PDE7B: variants seen among roughly 807,000 people sequenced by gnomAD.
PDE7B encodes the protein phosphodiesterase 7B, also known as 3',5'-cyclic-AMP phosphodiesterase 7B.
Under a neutral mutation model 56.2 loss-of-function variants are expected in PDE7B, and 29 were observed. The ratio of observed to expected loss-of-function variants is 0.52; its 90% CI spans 0.38 to 0.70. PDE7B has a LOEUF of 0.70. Among genes scored for constraint, PDE7B ranks in the 30% least tolerant of loss-of-function variants. The pLI, the probability that PDE7B is intolerant of heterozygous loss-of-function variation, is 0.00. For missense variants in PDE7B, 490 were observed against 565.0 expected, an observed-to-expected ratio of 0.87 and a Z score of 1.35; for synonymous variants, 197 against 196.9, an observed-to-expected ratio of 1.00 and a Z score of 0.00.
intron 9 of PDE7B, among the ~76,000 whole-genome samples, chr6:136,177,782 G>A (rs934158306): frequency 6.6e-6 from 1 of 152,084 alleles, no homozygotes; most frequent in East Asian, 1.9e-4. Context: ...AGACCCCAGG[G>A]AGACTTCTGC....
chr6:135,896,266 G>C (rs1775900489), intron 1 of PDE7B, among the ~76,000 whole-genome samples: 1 of 152,084 alleles, frequency 6.6e-6, no homozygotes, highest in Non-Finnish European at 1.5e-5. Flanking sequence ...ACATGTATGA[G>C]CCTTGGTTCC....
intron 1 of PDE7B, among the ~76,000 whole-genome samples, chr6:135,852,974 ATGT>A (rs1189641868): frequency 1.3e-5 from 2 of 152,192 alleles, no homozygotes; most frequent in Non-Finnish European, 2.9e-5. Flanking sequence ...TACAGGGCTA[ATGT>A]TGTTTTCAGT....
At chr6:136,032,715 A>G (rs757855080) in intron 2 of PDE7B, among the ~76,000 whole-genome samples, 2 of 152,238 alleles carry the variant, frequency 1.3e-5, no homozygotes, top group Non-Finnish European at 2.9e-5. Context: ...AAGGATAGCC[A>G]AAATTTGTGT....
intron 2 of PDE7B, among the ~76,000 whole-genome samples, chr6:136,015,738 T>C (rs1369924627): frequency 6.6e-6 from 1 of 152,098 alleles, no homozygotes; most frequent in East Asian, 1.9e-4. Context: ...GGTGCAATAC[T>C]TGAAAAAAAA....
Position 136,148,459 on chromosome 6 carries a change from GGGAA to G in PDE7B, c.319-617_319-614del, listed in dbSNP as rs1216400155. ...GAGAGAGGAGGGTGGGAGGGAGGGAGGGAAGGAAGGAAGGCAGGCAGGCAGGCAG... is the reference window on the plus strand; with the variant it reads ...GAGAGAGGAGGGTGGGAGGGAGGGAGGGAAGGAAGGCAGGCAGGCAGGCAG... On this transcript the variant is annotated intron_variant, in intron 4 of 12. Transcript: ENST00000308191. Among the ~76,000 whole-genome samples the G allele has an allele frequency of 4.5e-3, 594 of 130,822 alleles. 2 individuals are homozygous for G. The highest frequency in any genetic ancestry group is 7.4e-3 in the Middle Eastern group (2 of 272). The allele number at this position is 130,822 out of a possible 152,430, so 85.8% of individuals were successfully genotyped here. A position where few individuals can be genotyped will look rare whatever the true frequency, so the allele number is the denominator to read the frequency against.
intron 2 of PDE7B, among the ~76,000 whole-genome samples, chr6:136,073,365 G>A (rs932900315): frequency 3.3e-5 from 5 of 152,116 alleles, no homozygotes; most frequent in African/African-American, 9.7e-5. Context: ...ATAAAATTAC[G>A]GGCATATGTC....
intron 3 of PDE7B, among the ~76,000 whole-genome samples, chr6:136,130,724 A>G (rs1778103753): frequency 6.6e-6 from 1 of 152,160 alleles, no homozygotes; most frequent in South Asian, 2.1e-4. Flanking sequence ...TGCTACTGAT[A>G]AAGACATACC....
intron 2 of PDE7B, among the ~76,000 whole-genome samples, chr6:136,018,182 A>G (rs373996257): frequency 3.7e-4 from 57 of 152,316 alleles, no homozygotes; most frequent in African/African-American, 1.3e-3. Flanking sequence ...GATTGGCAGG[A>G]TGGAACGATT....
intron 1 of PDE7B, among the ~76,000 whole-genome samples, chr6:135,906,276 A>G (rs758010316): frequency 7.2e-5 from 11 of 152,220 alleles, no homozygotes; most frequent in Non-Finnish European, 1.3e-4. Context: ...ATGATTTGTG[A>G]TATCTTAAAG....
intron 2 of PDE7B, chr6:136,037,873 A>G (rs1776350275): frequency 1.0e-6 from 1 of 985,072 alleles, no homozygotes; most frequent in Admixed American, 6.2e-5. Context: ...AGCAAATGCT[A>G]GAACCTCGAT....
chr6:135,954,966 A>G (rs1190120656), intron 2 of PDE7B, among the ~76,000 whole-genome samples: 2 of 152,108 alleles, frequency 1.3e-5, no homozygotes, highest in African/African-American at 2.4e-5. Flanking sequence ...GCGAAGTCCA[A>G]ACTATCAGAA....
intron 3 of PDE7B, among the ~76,000 whole-genome samples, chr6:136,145,746 G>A (rs1386977913): frequency 6.6e-6 from 1 of 152,096 alleles, no homozygotes; most frequent in Non-Finnish European, 1.5e-5. Context: ...ATACTTCCCA[G>A]TCCTCTTTAA....
rs73561322 is a variant in PDE7B, at chr6:136,108,897, G to A, written c.166+83G>A. The A allele has an allele frequency of 2.1e-3, 1,890 of 885,448 alleles. 19 individuals carry two copies. The African/African-American group carries it at 0.026, about 12-fold the overall frequency. The allele number at this position is 885,448 out of a possible 1,614,324, so 54.8% of individuals were successfully genotyped here. On this transcript the variant is annotated intron_variant, in intron 3 of 12. Coordinates refer to ENST00000308191, the MANE Select transcript of PDE7B (RefSeq NM_018945.4). ...AAATCCTCATTTCCCTCTGAACTTC[G>A]AAACCTTCTGGGGTCTGCCTTCCTT...
At chr6:135,919,747 T>C (rs970489796) in intron 1 of PDE7B, among the ~76,000 whole-genome samples, 2 of 152,236 alleles carry the variant, frequency 1.3e-5, no homozygotes, top group Non-Finnish European at 2.9e-5. Flanking sequence ...CTTTCTATGA[T>C]TGACTTTATA....
intron 2 of PDE7B, among the ~76,000 whole-genome samples, chr6:136,066,335 G>T (rs1267438913): frequency 6.6e-6 from 1 of 152,180 alleles, no homozygotes; most frequent in Non-Finnish European, 1.5e-5. Context: ...AAGGCAAGAT[G>T]CATGGTCTCA....
chr6:136,097,211 T>C (rs561682151), intron 2 of PDE7B, among the ~76,000 whole-genome samples: 7 of 152,288 alleles, frequency 4.6e-5, no homozygotes, highest in Non-Finnish European at 1.0e-4. Context: ...ATCCCAGAAA[T>C]TCCCCCTAAG....
chr6:136,179,019 G>T lies in PDE7B; in HGVS notation c.826G>T (p.Gly276Cys), dbSNP rs1313243252. The part of the protein sequence containing the change: ...EMTQDIEQQL[G>C]SLILATDINR... Reference sequence around the variant, plus strand: ...CAGACAGGATATTGAACAGCAGCTGGGCTCCTTGATCTTGGCAACAGACAT... The same window carrying T: ...CAGACAGGATATTGAACAGCAGCTGTGCTCCTTGATCTTGGCAACAGACAT... The change falls in exon 10 of 13, where the codon GGC becomes TGC. Residue 276 changes from glycine to cysteine, a missense_variant. Coordinates refer to ENST00000308191, the MANE Select transcript of PDE7B (RefSeq NM_018945.4). 4 of 1,613,936 alleles carry T rather than the reference G, an allele frequency of 2.5e-6. No individual in the cohort carries two copies. Among genetic ancestry groups the T allele is most frequent in the South Asian group, 2.2e-5 (2 of 91,072 alleles).
At chr6:136,034,369 G>A (rs1277998341) in intron 2 of PDE7B, 1 of 152,012 alleles carries the variant, frequency 6.6e-6, no homozygotes, top group African/African-American at 2.4e-5. Context: ...TTTAGTATCG[G>A]GGTTATCAAT....
At chr6:136,046,028 T>C (rs1377645731) in intron 2 of PDE7B, among the ~76,000 whole-genome samples, 1 of 151,890 alleles carries the variant, frequency 6.6e-6, no homozygotes, top group African/African-American at 2.4e-5. Context: ...TAAACGTAAG[T>C]GACAAGCACT....
Sources: gnomAD v4.1 joint callset for allele counts (sites outside exome capture counted in the v4.1 genomes callset) on GRCh38, gnomAD v4.1.1 for gene constraint, MANE v1.5 for transcripts, NCBI Gene and HGNC (gene_info 2026-07-23, HGNC 2026-07-21) for gene names.